TTLL6: variants seen among roughly 807,000 people sequenced by gnomAD.
TTLL6 encodes the protein tubulin polyglutamylase TTLL6.
Under a neutral mutation model 96.4 loss-of-function variants are expected in TTLL6, and 75 were observed. The ratio of observed to expected loss-of-function variants is 0.78; its 90% CI spans 0.65 to 0.94. The LOEUF (loss-of-function observed/expected upper bound fraction) is 0.94. TTLL6 is among the 40% of genes least tolerant of loss of function. The pLI is 0.00. For missense variants in TTLL6, 1,030 were observed against 1,093.0 expected (o/e 0.94, Z 0.81); for synonymous variants, 411 against 419.4 (o/e 0.98, Z 0.24).
chr17:48,791,594 G>A lies in TTLL6; in HGVS notation c.1008C>T (p.Ser336=), dbSNP rs770510713. 1 of 1,609,248 alleles carries A rather than the reference G, an allele frequency of 6.2e-7. No homozygotes were observed. Among genetic ancestry groups the A allele is most frequent in the South Asian group, 1.1e-5 (1 of 90,856 alleles). The change falls in exon 9 of 16, where the codon TCC becomes TCT. Residue 336 remains serine, a synonymous_variant. Transcript: ENST00000393382. ...GGTCCTCCAAGTATGCACTGAAGGT[G>A]GAGAGCTTCCTGGAAGGGAACCACA... ...DAHSGSKRKL[S]TFSAYLEDHS... is the part of the protein sequence containing the mutation.
intron 1 of TTLL6, among the ~76,000 whole-genome samples, 170 bp downstream of exon 1, chr17:48,816,800 C>A (rs1567741474): frequency 6.6e-6 from 1 of 152,090 alleles, no homozygotes; most frequent in Non-Finnish European, 1.5e-5. Flanking sequence ...GCCGAGGGAC[C>A]GTGAGGGTGA....
At chr17:48,768,422 C>T (rs1053048231) in intron 15 of TTLL6, among the ~76,000 whole-genome samples, 11 of 152,200 alleles carry the variant, frequency 7.2e-5, no homozygotes, top group African/African-American at 2.4e-5. Flanking sequence ...AGGCGGGTGC[C>T]ACCATGCCCA....
At position 48,762,853 on chromosome 17, in the gene TTLL6, T is replaced by C. The variant is rs1454912653; in HGVS notation, c.*121A>G. 3.3e-5 allele frequency: 15 copies of C among 451,680 alleles called. No homozygotes were observed. Among genetic ancestry groups the C allele is most frequent in the Non-Finnish European group, 5.8e-5 (13 of 225,682 alleles). 28.0% of individuals were successfully genotyped at this position (451,680 alleles called of 1,614,324 possible). Reference sequence around the variant, plus strand: ...GGAACTAATGGAAGACCAGTATATCTAGATGAGCAAACAAAACTTCAGTTG... The same window carrying C: ...GGAACTAATGGAAGACCAGTATATCCAGATGAGCAAACAAAACTTCAGTTG... On this transcript the variant is annotated 3_prime_UTR_variant, in exon 16 of 16. Coordinates refer to ENST00000393382, the MANE Select transcript of TTLL6 (RefSeq NM_001130918.3).
In TTLL6 at chr17:48,769,075, T is replaced by C; in HGVS notation, c.2590A>G (p.Ser864Gly). 3 of 1,614,188 alleles carry C rather than the reference T, an allele frequency of 1.9e-6. No homozygotes were observed. The highest frequency in any genetic ancestry group is 2.5e-6 in the Non-Finnish European group (3 of 1,180,024). The change falls in exon 15 of 16, where the codon AGT becomes GGT. Residue 864 changes from serine (S) to glycine (G), a missense_variant. By Grantham distance (56) the Ser-to-Gly change is moderately conservative. Transcript: ENST00000393382. ...LDPRPCRSHA[S>G]AMRDPCMQDQ... ...TGCATACATGGGTCCCTCATAGCAC[T>C]TGCGTGGCTTCTACAAGGCCTTGGA...
At chr17:48,768,549 CA>C (rs944643069) in intron 15 of TTLL6, among the ~76,000 whole-genome samples, 11 of 152,136 alleles carry the variant, frequency 7.2e-5, no homozygotes, top group African/African-American at 2.7e-4. Context: ...GGATTACAGG[CA>C]TGAGCCACTG....
intron 1 of TTLL6, chr17:48,815,647 C>T (rs998035703): frequency 5.3e-5 from 8 of 152,256 alleles, no homozygotes; most frequent in African/African-American, 1.7e-4. Flanking sequence ...TTTGACTTTT[C>T]GTTTTAGTCA....
chr17:48,767,518 T>A (rs2038639541), intron 15 of TTLL6, among the ~76,000 whole-genome samples: 1 of 152,088 alleles, frequency 6.6e-6, no homozygotes, highest in South Asian at 2.1e-4. Flanking sequence ...CCCAAGGTGA[T>A]CTCTATGGGC....
intron 13 of TTLL6, among the ~76,000 whole-genome samples, chr17:48,773,197 G>T (rs2038786547): frequency 8.0e-6 from 1 of 125,660 alleles, no homozygotes; most frequent in African/African-American, 3.1e-5. Flanking sequence ...AACCTAAGAA[G>T]TCTGTGAGAC....
At chr17:48,799,841 A>AAAG in intron 5 of TTLL6, 81 bp from the exon 6 acceptor site, 1 of 1,318,096 alleles carries the variant, frequency 7.6e-7, no homozygotes, top group South Asian at 1.4e-5. Context: ...TGAAGAAAAG[A>AAAG]AAGAAAAGCT....
intron 1 of TTLL6, chr17:48,812,082 C>T (rs571069493): frequency 3.9e-5 from 5 of 127,978 alleles, no homozygotes; most frequent in South Asian, 6.6e-4. Flanking sequence ...CCCCACCCCC[C>T]GCTCAGACTT....
At chr17:48,804,081 C>G in intron 2 of TTLL6, 153 bp from the exon 3 acceptor site, 1 of 769,112 alleles carries the variant, frequency 1.3e-6, no homozygotes, top group Non-Finnish European at 2.2e-6. Flanking sequence ...GCTGAGGACA[C>G]GAGTCCAAGG....
chr17:48,803,912 A>G lies in TTLL6; in HGVS notation c.340T>C (p.Ser114Pro). The stretch of plus-strand genomic sequence containing the variant: ...TCACCACTCTCATACCGGCAGCTGG[A>G]TAGATTGATCACCAATCATCTGGAA... Reference protein sequence around the residue: ...RKKKRLVINLSSCRYESVRRA... With the variant: ...RKKKRLVINLPSCRYESVRRA... Residue 114 changes from serine to proline, a missense_variant, in exon 3 of 16, where the codon TCC (serine) becomes CCC (proline). Transcript: ENST00000393382. 6.4e-7 allele frequency: 1 copy of G among 1,552,040 alleles called. No individual in the cohort carries two copies.
chr17:48,814,273 C>A (rs1244512767), intron 1 of TTLL6, among the ~76,000 whole-genome samples: 1 of 142,576 alleles, frequency 7.0e-6, no homozygotes, highest in Non-Finnish European at 1.5e-5. Context: ...GAGCCCAGAT[C>A]GCACCACTGC....
chr17:48,789,471 A>G (rs1010383539), intron 10 of TTLL6, among the ~76,000 whole-genome samples: 1 of 152,204 alleles, frequency 6.6e-6, no homozygotes, highest in African/African-American at 2.4e-5. Context: ...TTTCATAGAA[A>G]GATCACTGAG....
intron 2 of TTLL6, 86 bp from the exon 3 acceptor site, chr17:48,804,014 G>T: frequency 6.8e-7 from 1 of 1,468,340 alleles, no homozygotes; most frequent in Non-Finnish European, 9.3e-7. Flanking sequence ...TCCTGTCCCA[G>T]GTGGAGCTGT....
At position 48,799,102 on chromosome 17, in the gene TTLL6, G is replaced by A. The variant is rs368364541; in HGVS notation, c.768+502C>T. Among the ~76,000 whole-genome samples the A allele has an allele frequency of 2.8e-4, 42 of 152,274 alleles. No individual in the cohort carries two copies. The East Asian group carries it at 6.8e-3, about 25-fold the overall frequency. On this transcript the variant is annotated intron_variant, in intron 6 of 15. Coordinates refer to ENST00000393382, the MANE Select transcript of TTLL6 (RefSeq NM_001130918.3). Reference sequence around the variant, plus strand: ...CTCCCAAAATGCTGGGATTATAGGCGTGAGCCACTTTGCCCAGCCAATGCA... The same window carrying A: ...CTCCCAAAATGCTGGGATTATAGGCATGAGCCACTTTGCCCAGCCAATGCA...
At position 48,770,045 on chromosome 17, in the gene TTLL6, G is replaced by A; in HGVS notation, c.2093C>T (p.Ser698Phe). 6.2e-7 allele frequency: 1 copy of A among 1,614,060 alleles called. No individual in the cohort carries two copies. Among genetic ancestry groups the A allele is most frequent in the South Asian group, 1.1e-5 (1 of 91,086 alleles). Reference protein sequence around the residue: ...TPESTTQLSISPKSPPTLAVT... With the variant: ...TPESTTQLSIFPKSPPTLAVT... Reference sequence around the variant, plus strand: ...AGCCAGGGTTGGCGGAGACTTTGGGGAGATTGAGAGTTGGGTGGTGGATTC... The same window carrying A: ...AGCCAGGGTTGGCGGAGACTTTGGGAAGATTGAGAGTTGGGTGGTGGATTC... The change falls in exon 14 of 16, where the codon TCC becomes TTC. Residue 698 changes from serine (S) to phenylalanine (F), a missense_variant. By Grantham distance (155) the Ser-to-Phe change is radical. Transcript: ENST00000393382.
Position 48,783,670 on chromosome 17 carries a change from A to G in TTLL6, c.2040+1253T>C, listed in dbSNP as rs535580157. Among the ~76,000 whole-genome samples, 888 of 152,218 alleles carry G rather than the reference A, an allele frequency of 5.8e-3. 5 individuals carry two copies. The highest frequency in any genetic ancestry group is 9.2e-3 in the Non-Finnish European group (625 of 68,008). On this transcript the variant is annotated intron_variant, in intron 13 of 15. Transcript: ENST00000393382. ...GGTCTCAAACTCCTGACCTCCAGTG[A>G]TCCATCTGCTTCGGCCTCCCAAAGT...
intron 13 of TTLL6, among the ~76,000 whole-genome samples, chr17:48,778,630 T>C (rs1361826885): frequency 3.9e-5 from 5 of 128,348 alleles, no homozygotes; most frequent in Admixed American, 8.6e-5. Context: ...ACTCAGTCTC[T>C]TAAAAAAAAA....
Sources: gnomAD v4.1 joint callset for allele counts (sites outside exome capture counted in the v4.1 genomes callset) on GRCh38, gnomAD v4.1.1 for gene constraint, MANE v1.5 for transcripts, NCBI Gene and HGNC (gene_info 2026-07-23, HGNC 2026-07-21) for gene names.